DAB1: variants seen among roughly 807,000 people sequenced by gnomAD.
DAB1 encodes the protein disabled homolog 1.
DAB1 carries 15 observed loss-of-function variants against 64.6 expected under a neutral mutation model. That is an observed-to-expected ratio of 0.23 (90% CI 0.16 to 0.36). DAB1 has a LOEUF of 0.36. Among genes scored for constraint, DAB1 ranks in the 10% least tolerant of loss-of-function variants. The pLI is 1.00. For missense variants in DAB1, 596 were observed against 706.7 expected, an observed-to-expected ratio of 0.84 and a Z score of 1.78; for synonymous variants, 235 against 251.9, an observed-to-expected ratio of 0.93 and a Z score of 0.64.
At chr1:57,903,703 C>T (rs533072028) in intron 5 of DAB1, among the ~76,000 whole-genome samples, 1 of 152,078 alleles carries the variant, frequency 6.6e-6, no homozygotes, top group South Asian at 2.1e-4. Flanking sequence ...TGTCACGTCT[C>T]CCTCACTACT....
intron 5 of DAB1, among the ~76,000 whole-genome samples, chr1:58,118,503 TACACACACACACACACAC>T (rs34017384): frequency 9.4e-4 from 50 of 53,036 alleles, no homozygotes; most frequent in East Asian, 5.1e-3. Context: ...TATATATATA[TACACACACACACACACAC>T]ATATATATAT....
At chr1:57,898,847 T>C (rs1340486082) in intron 5 of DAB1, among the ~76,000 whole-genome samples, 1 of 152,176 alleles carries the variant, frequency 6.6e-6, no homozygotes, top group Non-Finnish European at 1.5e-5. Context: ...ACATTGTGTG[T>C]GTGTGTATGT....
At chr1:58,426,930 C>T (rs1173432867) in intron 3 of DAB1, among the ~76,000 whole-genome samples, 1 of 152,148 alleles carries the variant, frequency 6.6e-6, no homozygotes, top group Non-Finnish European at 1.5e-5. Context: ...CTAGGAAAGG[C>T]CTCACTGCAA....
At chr1:57,229,229 T>C (rs1667492460) in intron 2 of DAB1, among the ~76,000 whole-genome samples, 1 of 151,098 alleles carries the variant, frequency 6.6e-6, no homozygotes, top group Admixed American at 6.6e-5. Context: ...GCTCTCACTG[T>C]GTCATGCAGG....
intron 3 of DAB1, among the ~76,000 whole-genome samples, chr1:58,397,326 C>T (rs1644531841): frequency 6.6e-6 from 1 of 152,184 alleles, no homozygotes; most frequent in Non-Finnish European, 1.5e-5. Context: ...TTAATTTCCC[C>T]ACAAGTGGGA....
chr1:58,056,022 G>C, intron 5 of DAB1: 3 of 761,100 alleles, frequency 3.9e-6, no homozygotes, highest in Non-Finnish European at 6.6e-6. Context: ...CCAGGTGTGA[G>C]CCACCGTGCC....
chr1:57,026,189 C>T (rs564804950), intron 9 of DAB1, 146 bp from the exon 10 acceptor site: 13 of 613,712 alleles, frequency 2.1e-5, no homozygotes, highest in Non-Finnish European at 3.7e-5. Flanking sequence ...CATTACTATA[C>T]CTCAGGATCC....
intron 5 of DAB1, among the ~76,000 whole-genome samples, chr1:57,902,500 C>A (rs950975070): frequency 6.6e-6 from 1 of 152,136 alleles, no homozygotes; most frequent in Non-Finnish European, 1.5e-5. Flanking sequence ...GTCTCAATAA[C>A]GTCCTTTCAG....
chr1:58,347,434 G>A (rs1644012420), intron 3 of DAB1, among the ~76,000 whole-genome samples: 2 of 152,162 alleles, frequency 1.3e-5, no homozygotes, highest in South Asian at 4.1e-4. Flanking sequence ...GGTGCACATA[G>A]GAAGCCAGCT....
At chr1:57,374,367 A>G (rs1680735041) in intron 1 of DAB1, among the ~76,000 whole-genome samples, 1 of 152,166 alleles carries the variant, frequency 6.6e-6, no homozygotes, top group Non-Finnish European at 1.5e-5. Flanking sequence ...GAACATGTAA[A>G]CTTTTATTAA....
chr1:57,810,373 A>G (rs145126346), intron 6 of DAB1, among the ~76,000 whole-genome samples: 15 of 152,290 alleles, frequency 9.8e-5, no homozygotes, highest in African/African-American at 3.6e-4. Context: ...CACAGGAGCA[A>G]TCTTGAATAA....
chr1:58,379,291 T>C (rs1285639838), intron 3 of DAB1, among the ~76,000 whole-genome samples: 1 of 152,262 alleles, frequency 6.6e-6, no homozygotes, highest in Admixed American at 6.5e-5. Context: ...AATAAACACT[T>C]AGGTTGTTTA....
chr1:57,733,815 A>G (rs1647551819), intron 6 of DAB1, among the ~76,000 whole-genome samples: 1 of 151,998 alleles, frequency 6.6e-6, no homozygotes, highest in Non-Finnish European at 1.5e-5. Flanking sequence ...TGGCAGAGGG[A>G]AGAGTCAGCA....
At chr1:58,041,223 CA>C (rs1647130738) in intron 5 of DAB1, among the ~76,000 whole-genome samples, 2 of 152,206 alleles carry the variant, frequency 1.3e-5, no homozygotes, top group Non-Finnish European at 2.9e-5. Context: ...TAATCTTATG[CA>C]AGCCTGCATA....
At chr1:57,666,545 T>A (rs1234399362) in intron 6 of DAB1, among the ~76,000 whole-genome samples, 1 of 152,158 alleles carries the variant, frequency 6.6e-6, no homozygotes, top group East Asian at 1.9e-4. Context: ...ACTAATTCAA[T>A]CTCTTCATGT....
At chr1:58,447,600 A>G (rs558223212) in intron 3 of DAB1, among the ~76,000 whole-genome samples, 1 of 152,220 alleles carries the variant, frequency 6.6e-6, no homozygotes, top group Non-Finnish European at 1.5e-5. Flanking sequence ...GTGAATAACC[A>G]GATAAACAAA....
chr1:57,327,922 G>C (rs1263119171), intron 1 of DAB1, among the ~76,000 whole-genome samples: 1 of 152,176 alleles, frequency 6.6e-6, no homozygotes. Context: ...ATACCTTTAT[G>C]ATGTTTAAAA....
intron 1 of DAB1, among the ~76,000 whole-genome samples, chr1:57,301,240 G>A (rs528322291): frequency 6.6e-6 from 1 of 152,190 alleles, no homozygotes; most frequent in Admixed American, 6.5e-5. Flanking sequence ...TGGAGGTACA[G>A]AGGGAGATTA....
chr1:57,305,924 G>A (rs1473676863), intron 1 of DAB1, among the ~76,000 whole-genome samples: 2 of 145,352 alleles, frequency 1.4e-5, no homozygotes, highest in East Asian at 4.0e-4. Flanking sequence ...AGCCGAGATC[G>A]AGCCACTGCA....
Sources: gnomAD v4.1 joint callset for allele counts (sites outside exome capture counted in the v4.1 genomes callset) on GRCh38, gnomAD v4.1.1 for gene constraint, MANE v1.5 for transcripts, NCBI Gene and HGNC (gene_info 2026-07-23, HGNC 2026-07-21) for gene names.